Variants in JAZF1 observed in about 807,000 individuals in gnomAD.
JAZF1 encodes juxtaposed with another zinc finger protein 1.
JAZF1 carries 8 observed loss-of-function variants against 26.4 expected under a neutral mutation model. That is an observed-to-expected ratio of 0.30 (90% CI 0.18 to 0.55). The LOEUF is 0.55. Ranked by LOEUF, JAZF1 falls within the 20% of genes least tolerant of loss-of-function variation. The pLI is 0.94. For missense variants in JAZF1, 199 were observed against 322.0 expected, an observed-to-expected ratio of 0.62 and a Z score of 2.92; for synonymous variants, 126 against 122.3, an observed-to-expected ratio of 1.03 and a Z score of -0.20.
chr7:28,093,080 A>G (rs940955987), intron 1 of JAZF1, among the ~76,000 whole-genome samples: 11 of 152,190 alleles, frequency 7.2e-5, no homozygotes, highest in African/African-American at 2.4e-4. Context: ...TGATGTTTTA[A>G]TACTTCAGTG....
At chr7:28,080,899 C>A (rs1784125123) in intron 1 of JAZF1, among the ~76,000 whole-genome samples, 1 of 149,978 alleles carries the variant, frequency 6.7e-6, no homozygotes, top group African/African-American at 2.5e-5. Context: ...AAGCACATGC[C>A]ATTGGGAAAA....
chr7:28,171,652 G>A (rs1367418617), intron 1 of JAZF1, among the ~76,000 whole-genome samples: 3 of 152,158 alleles, frequency 2.0e-5, no homozygotes, highest in African/African-American at 7.2e-5. Context: ...TTTCTGTCCT[G>A]AAGAAAAATA....
intron 1 of JAZF1, among the ~76,000 whole-genome samples, chr7:28,140,619 C>T (rs1433075235): frequency 6.6e-6 from 1 of 151,752 alleles, no homozygotes; most frequent in Non-Finnish European, 1.5e-5. Flanking sequence ...TTTTACTGTC[C>T]GGTCCCCCGT....
intron 1 of JAZF1, among the ~76,000 whole-genome samples, chr7:28,113,783 C>T (rs979580681): frequency 3.9e-5 from 6 of 152,176 alleles, no homozygotes; most frequent in Admixed American, 2.0e-4. Context: ...TACTACACTA[C>T]TAGCTCTCAA....
chr7:28,173,800 T>A (rs1418752713), intron 1 of JAZF1, among the ~76,000 whole-genome samples: 1 of 148,094 alleles, frequency 6.8e-6, no homozygotes, highest in Non-Finnish European at 1.5e-5. Context: ...CTCTGACTCC[T>A]GCCAAAGTTG....
chr7:27,867,398 A>C (rs1202921652), intron 3 of JAZF1, among the ~76,000 whole-genome samples: 1 of 152,236 alleles, frequency 6.6e-6, no homozygotes, highest in African/African-American at 2.4e-5. Context: ...AAGTTCACGC[A>C]AATCTCAGAG....
chr7:28,068,507 G>A (rs1214409214), intron 1 of JAZF1, among the ~76,000 whole-genome samples: 1 of 152,130 alleles, frequency 6.6e-6, no homozygotes, highest in Admixed American at 6.6e-5. Context: ...CCTTGCAAAT[G>A]ATCCCAGTGC....
intron 3 of JAZF1, among the ~76,000 whole-genome samples, chr7:27,880,370 C>T (rs1193378953): frequency 2.0e-5 from 3 of 152,230 alleles, no homozygotes; most frequent in African/African-American, 7.2e-5. Context: ...CACAGTGGCT[C>T]ATGCCTGTAA....
At chr7:27,856,512 C>G (rs1038720717) in intron 3 of JAZF1, among the ~76,000 whole-genome samples, 2 of 152,194 alleles carry the variant, frequency 1.3e-5, no homozygotes, top group Non-Finnish European at 2.9e-5. Flanking sequence ...TGGCCCCACC[C>G]ACATCCTGCT....
At chr7:27,971,958 T>C in intron 2 of JAZF1, among the ~76,000 whole-genome samples, 1 of 152,236 alleles carries the variant, frequency 6.6e-6, no homozygotes, top group East Asian at 1.9e-4. Flanking sequence ...TTGTTACTCA[T>C]GCATTTATCC....
At chr7:28,137,720 T>C (rs1782906999) in intron 1 of JAZF1, among the ~76,000 whole-genome samples, 1 of 152,136 alleles carries the variant, frequency 6.6e-6, no homozygotes, top group Non-Finnish European at 1.5e-5. Flanking sequence ...GTGTCTGCCG[T>C]GCAGCCAGAA....
chr7:28,054,651 G>T (rs569378887), intron 1 of JAZF1, among the ~76,000 whole-genome samples: 29 of 152,166 alleles, frequency 1.9e-4, no homozygotes, highest in Non-Finnish European at 3.8e-4. Context: ...CCAGGGCCTG[G>T]TATAATATGT....
intron 1 of JAZF1, among the ~76,000 whole-genome samples, chr7:28,021,866 C>T (rs1038967412): frequency 6.6e-5 from 10 of 152,236 alleles, no homozygotes; most frequent in African/African-American, 2.4e-4. Context: ...GAACATTTGG[C>T]CTGGCCCCTG....
chr7:28,009,940 C>T (rs145394195), intron 1 of JAZF1, among the ~76,000 whole-genome samples: 2 of 152,328 alleles, frequency 1.3e-5, no homozygotes, highest in East Asian at 3.9e-4. Flanking sequence ...ACACATGGCT[C>T]TTTATTGCTT....
chr7:27,981,752 T>C lies in JAZF1; in HGVS notation c.188+10157A>G, dbSNP rs377356186. 9.1e-4 allele frequency among the ~76,000 whole-genome samples: 139 copies of C among 152,358 alleles called. 1 individual carries two copies. Among genetic ancestry groups the C allele is most frequent in the Non-Finnish European group, 1.4e-3 (97 of 68,030 alleles). ...TAGACGGCTATAATAAAATGTTATT[T>C]TAAAAATTACTCACTTTCTCCGAGA... On this transcript the variant is annotated intron_variant, in intron 2 of 4. Coordinates refer to ENST00000283928, the MANE Select transcript of JAZF1 (RefSeq NM_175061.4).
chr7:28,099,827 C>T (rs1784444317), intron 1 of JAZF1, among the ~76,000 whole-genome samples: 1 of 152,092 alleles, frequency 6.6e-6, no homozygotes, highest in South Asian at 2.1e-4. Context: ...AACTGATGAA[C>T]AAGAAGGGGT....
chr7:28,051,992 A>G (rs530528883), intron 1 of JAZF1, among the ~76,000 whole-genome samples: 1 of 152,320 alleles, frequency 6.6e-6, no homozygotes, highest in African/African-American at 2.4e-5. Flanking sequence ...CTGAAACTGC[A>G]GGTTCACTCT....
At chr7:27,944,037 A>C (rs1249820868) in intron 2 of JAZF1, among the ~76,000 whole-genome samples, 1 of 152,190 alleles carries the variant, frequency 6.6e-6, no homozygotes, top group African/African-American at 2.4e-5. Flanking sequence ...CAGCCATTCA[A>C]ATTCCACCTA....
chr7:27,899,365 A>G (rs1200206887), intron 2 of JAZF1, among the ~76,000 whole-genome samples: 2 of 152,228 alleles, frequency 1.3e-5, no homozygotes, highest in African/African-American at 4.8e-5. Flanking sequence ...CATGTGACTC[A>G]GTGGCCTAAG....
Sources: allele counts gnomAD v4.1 joint callset (sites outside exome capture counted in the v4.1 genomes callset), GRCh38; gene constraint gnomAD v4.1.1; transcripts MANE v1.5; gene names NCBI Gene and HGNC (gene_info 2026-07-23, HGNC 2026-07-21).